Variants in RAB11FIP2 observed in about 807,000 individuals in gnomAD.
The protein encoded by RAB11FIP2 is rab11 family-interacting protein 2.
In RAB11FIP2, 16 loss-of-function variants were observed where a neutral mutation model predicts 40.9. That is an observed-to-expected ratio of 0.39 (90% CI 0.26 to 0.59). RAB11FIP2 has a LOEUF of 0.59. Among genes scored for constraint, RAB11FIP2 ranks in the 20% least tolerant of loss-of-function variants. The probability of loss-of-function intolerance (pLI) is 0.53; values close to 1 mark genes in which losing one functional copy is unlikely to be tolerated. For missense variants in RAB11FIP2, 532 were observed against 606.2 expected (o/e 0.88, Z 1.28); for synonymous variants, 228 against 213.7 (o/e 1.07, Z -0.58).
intron 3 of RAB11FIP2, among the ~76,000 whole-genome samples, chr10:118,036,779 G>A (rs1309049823): frequency 6.6e-6 from 1 of 151,860 alleles, no homozygotes; most frequent in East Asian, 1.9e-4. Flanking sequence ...TTACATACTT[G>A]CAATCATTTC....
chr10:118,025,965 A>G (rs552105825), intron 3 of RAB11FIP2, among the ~76,000 whole-genome samples: 14 of 152,336 alleles, frequency 9.2e-5, no homozygotes, highest in Admixed American at 2.6e-4. Flanking sequence ...TACACATTCT[A>G]TATCTACCTG....
In RAB11FIP2 at chr10:118,006,296, T is replaced by C. The variant is rs771817991; in HGVS notation, c.*2702A>G. On this transcript the variant is annotated 3_prime_UTR_variant, in exon 5 of 5. Transcript: ENST00000355624. ...GTAACAGAAGTACATTAGCTTAAGA[T>C]AGTCTTGAGATAAATATCAATTCTG... 2 of 152,612 alleles carry C rather than the reference T, an allele frequency of 1.3e-5. No individual in the cohort carries two copies. The highest frequency in any genetic ancestry group is 4.8e-5 in the African/African-American group (2 of 41,460). 9.5% of individuals were successfully genotyped at this position (152,612 alleles called of 1,614,324 possible). A position where few individuals can be genotyped will look rare whatever the true frequency, so the allele number is the denominator to read the frequency against.
intron 3 of RAB11FIP2, among the ~76,000 whole-genome samples, chr10:118,030,088 A>G (rs1398978181): frequency 6.6e-6 from 1 of 152,178 alleles, no homozygotes; most frequent in East Asian, 1.9e-4. Context: ...AACTGAAAAT[A>G]AATGTTTAAG....
At chr10:118,042,243 C>T (rs926192791) in intron 1 of RAB11FIP2, among the ~76,000 whole-genome samples, 3 of 151,892 alleles carry the variant, frequency 2.0e-5, no homozygotes, top group Non-Finnish European at 4.4e-5. Context: ...TGTAACAAAT[C>T]AAAGCAAATA....
chr10:118,031,373 G>A (rs1360400008), intron 3 of RAB11FIP2, among the ~76,000 whole-genome samples: 2 of 151,986 alleles, frequency 1.3e-5, no homozygotes, highest in Non-Finnish European at 2.9e-5. Context: ...ACAGTAAACA[G>A]TCTTTGACTT....
In RAB11FIP2 at chr10:118,027,248, C is replaced by T. The variant is rs148816790; in HGVS notation, c.1265+11724G>A. On this transcript the variant is annotated intron_variant, in intron 3 of 4. Coordinates refer to ENST00000355624, the MANE Select transcript of RAB11FIP2 (RefSeq NM_014904.3). ...TGTAGAAAGGTTAAGTAAGGCCACG[C>T]GGCTAACAGAGACTCAAACGCAGAC... Among the ~76,000 whole-genome samples, 54 of 152,206 alleles carry T rather than the reference C, an allele frequency of 3.5e-4. No individual in the cohort carries two copies. The East Asian group carries it at 7.7e-3, about 22-fold the overall frequency.
intron 3 of RAB11FIP2, among the ~76,000 whole-genome samples, chr10:118,030,479 C>T (rs181362638): frequency 1.3e-5 from 2 of 152,182 alleles, no homozygotes; most frequent in East Asian, 1.9e-4. Flanking sequence ...GTTAATTACC[C>T]GTCTCCTGTC....
At chr10:118,024,062 C>T (rs1362448199) in intron 3 of RAB11FIP2, among the ~76,000 whole-genome samples, 3 of 150,150 alleles carry the variant, frequency 2.0e-5, no homozygotes, top group Non-Finnish European at 4.4e-5. Context: ...TGCACTCCAG[C>T]CTGGGCAACA....
At chr10:118,009,300 G>C (rs1846130279) in intron 4 of RAB11FIP2, 75 bp from the exon 5 acceptor site, 1 of 1,371,476 alleles carries the variant, frequency 7.3e-7, no homozygotes, top group East Asian at 2.3e-5. Context: ...CTGGAACTTC[G>C]ACTTTTTGTT....
intron 3 of RAB11FIP2, 104 bp from the exon 4 acceptor site, chr10:118,015,214 C>A: frequency 1.2e-6 from 1 of 847,430 alleles, no homozygotes. Flanking sequence ...TTCTAAAGCC[C>A]TACATTATTC....
In RAB11FIP2 at chr10:118,009,179, T is replaced by C. The variant is rs999594305; in HGVS notation, c.1358A>G (p.Tyr453Cys). 2.5e-6 allele frequency: 4 copies of C among 1,613,454 alleles called. No homozygotes were observed. In the African/African-American group the frequency reaches 4.0e-5, roughly 16 times the overall value. The change falls in exon 5 of 5, where the codon TAT becomes TGT. Residue 453 changes from tyrosine to cysteine, a missense_variant. Physicochemically the swap from Tyr to Cys is radical, Grantham distance 194. Coordinates refer to ENST00000355624, the MANE Select transcript of RAB11FIP2 (RefSeq NM_014904.3). ...CACCAGCTCCTGTAGAACCTCTTCA[T>C]AGGTCAGACTACGATACCCTGCAGT... ...DATAGYRSLT[Y>C]EEVLQELVKH...
In RAB11FIP2 at chr10:118,006,037, C is replaced by A. The variant is rs940336176; in HGVS notation, c.*2961G>T. 1 of 152,466 alleles carries A rather than the reference C, an allele frequency of 6.6e-6. No homozygotes were observed. Among genetic ancestry groups the A allele is most frequent in the African/African-American group, 2.4e-5 (1 of 41,400 alleles). The allele number at this position is 152,466 out of a possible 1,614,324, so 9.4% of individuals were successfully genotyped here. A position where few individuals can be genotyped will look rare whatever the true frequency, so the allele number is the denominator to read the frequency against. On this transcript the variant is annotated 3_prime_UTR_variant, in exon 5 of 5. Transcript: ENST00000355624. Reference sequence around the variant, plus strand: ...TAATACTACATTCAGGGGACAATGGCAAAACTAGGCTCAATGCAGAACATA... The same window carrying A: ...TAATACTACATTCAGGGGACAATGGAAAAACTAGGCTCAATGCAGAACATA...
At position 118,041,698 on chromosome 10, in the gene RAB11FIP2, G is replaced by C. The variant is rs74958390; in HGVS notation, c.354-1133C>G. Among the ~76,000 whole-genome samples the C allele has an allele frequency of 7.6e-3, 1,159 of 152,192 alleles. 14 individuals carry two copies. The highest frequency in any genetic ancestry group is 0.027 in the African/African-American group (1,111 of 41,546). On this transcript the variant is annotated intron_variant, in intron 1 of 4. Transcript: ENST00000355624. ...TTCTTTCTCTCATTGTTACCAACTGGATATGCCAAGAGAAGATTACATTTA... is the reference window on the plus strand; with the variant it reads ...TTCTTTCTCTCATTGTTACCAACTGCATATGCCAAGAGAAGATTACATTTA...
Position 118,039,246 on chromosome 10 carries a change from T to C in RAB11FIP2, c.991A>G (p.Thr331Ala), listed in dbSNP as rs774247430. 4 of 1,613,828 alleles carry C rather than the reference T, an allele frequency of 2.5e-6. No homozygotes were observed. Among genetic ancestry groups the C allele is most frequent in the Non-Finnish European group, 3.4e-6 (4 of 1,179,780 alleles). The change falls in exon 3 of 5, where the codon ACA becomes GCA. Residue 331 changes from threonine to alanine, a missense_variant. Thr to Ala is a moderately conservative substitution (Grantham distance 58). Transcript: ENST00000355624. The stretch of plus-strand genomic sequence containing the variant: ...AATAAATTCATGCTGCTGTCCCATG[T>C]TTCGCTGCTTTCTTCAAATGGATTT... Reference protein sequence around the residue: ...KKNPFEESSETWDSSMNLFSK... With the variant: ...KKNPFEESSEAWDSSMNLFSK...
chr10:118,039,505 C>T lies in RAB11FIP2; in HGVS notation c.797-65G>A, dbSNP rs1846526637. ...ATTACATCACACTATTTGACACAGT[C>T]TGTGTGCATTCTGCTGCTTTTAGAA... On this transcript the variant is annotated intron_variant, in intron 2 of 4. Coordinates refer to ENST00000355624, the MANE Select transcript of RAB11FIP2 (RefSeq NM_014904.3). 5 of 1,341,866 alleles carry T rather than the reference C, an allele frequency of 3.7e-6. No individual in the cohort carries two copies. The Admixed American group carries it at 5.8e-5, about 16-fold the overall frequency. The allele number at this position is 1,341,866 out of a possible 1,614,324, so 83.1% of individuals were successfully genotyped here.
chr10:118,042,258 T>C (rs1320970551), intron 1 of RAB11FIP2, among the ~76,000 whole-genome samples: 2 of 150,838 alleles, frequency 1.3e-5, no homozygotes, highest in African/African-American at 2.4e-5. Context: ...CAAATATGAG[T>C]AAAAAAAAAT....
At chr10:118,023,789 T>A (rs1357693098) in intron 3 of RAB11FIP2, among the ~76,000 whole-genome samples, 3 of 152,160 alleles carry the variant, frequency 2.0e-5, no homozygotes, top group East Asian at 1.9e-4. Context: ...CAAGTCTAAC[T>A]TACACATTTC....
chr10:118,042,726 T>C (rs1846576902), intron 1 of RAB11FIP2, among the ~76,000 whole-genome samples: 1 of 152,164 alleles, frequency 6.6e-6, no homozygotes, highest in Admixed American at 6.5e-5. Flanking sequence ...GTGTTTACAT[T>C]GTCTTGTTTT....
At chr10:118,035,908 C>T (rs1589646617) in intron 3 of RAB11FIP2, among the ~76,000 whole-genome samples, 2 of 152,060 alleles carry the variant, frequency 1.3e-5, no homozygotes, top group African/African-American at 4.8e-5. Context: ...AAGAGCCCTG[C>T]TCTTTGCTGA....
Sources: allele counts gnomAD v4.1 joint callset (sites outside exome capture counted in the v4.1 genomes callset), GRCh38; gene constraint gnomAD v4.1.1; transcripts MANE v1.5; gene names NCBI Gene and HGNC (gene_info 2026-07-23, HGNC 2026-07-21).